The following BPIFB4 variants were observed in gnomAD, a reference collection of about 807,000 sequenced individuals.
BPIFB4 encodes BPI fold-containing family B member 4.
A neutral mutation model predicts 69.2 loss-of-function variants in BPIFB4; 62 were observed. The ratio of observed to expected loss-of-function variants is 0.90; its 90% CI spans 0.73 to 1.11. The LOEUF (loss-of-function observed/expected upper bound fraction) is 1.11. BPIFB4 is among the 50% of genes least tolerant of loss of function. The pLI is 0.00. For missense variants in BPIFB4, 789 were observed against 792.0 expected (o/e 1.00, Z 0.04); for synonymous variants, 330 against 332.7 (o/e 0.99, Z 0.09).
chr20:33,108,436 T>TATATATATATAG (rs1271417747), intron 17 of BPIFB4, among the ~76,000 whole-genome samples: 1 of 148,514 alleles, frequency 6.7e-6, no homozygotes, highest in Non-Finnish European at 1.5e-5. Context: ...TATATATATA[T>TATATATATATAG]AGACATATAT....
At chr20:33,082,143 G>A (rs1357936907) in intron 3 of BPIFB4, among the ~76,000 whole-genome samples, 3 of 152,092 alleles carry the variant, frequency 2.0e-5, no homozygotes, top group East Asian at 3.9e-4. Context: ...TCTAGCATGT[G>A]AGGACATACT....
At chr20:33,102,330 G>A (rs923056348) in intron 14 of BPIFB4, among the ~76,000 whole-genome samples, 4 of 152,198 alleles carry the variant, frequency 2.6e-5, no homozygotes, top group Admixed American at 6.5e-5. Context: ...AACGATTTCC[G>A]CCCCACGGGC....
At chr20:33,103,117 T>C in intron 15 of BPIFB4, 103 bp downstream of exon 15, 1 of 1,345,974 alleles carries the variant, frequency 7.4e-7, no homozygotes, top group Non-Finnish European at 1.1e-6. Context: ...GCATGGGGAG[T>C]TTGTGAATTC....
At chr20:33,107,372 C>G (rs992361487) in intron 16 of BPIFB4, among the ~76,000 whole-genome samples, 3 of 152,090 alleles carry the variant, frequency 2.0e-5, no homozygotes, top group African/African-American at 7.2e-5. Context: ...GGGGGCAGAT[C>G]ATCTGAGGTC....
chr20:33,085,352 G>A (rs1272597267), intron 6 of BPIFB4, among the ~76,000 whole-genome samples: 1 of 152,234 alleles, frequency 6.6e-6, no homozygotes, highest in African/African-American at 2.4e-5. Flanking sequence ...CTACTTGGGA[G>A]GCTGAGGCAG....
In BPIFB4 at chr20:33,102,034, A is replaced by G. The variant is rs923584934; in HGVS notation, c.1638-938A>G. On this transcript the variant is annotated intron_variant, in intron 14 of 17. Transcript: ENST00000375483. Reference sequence around the variant, plus strand: ...GATTAATATAGTGCACATCAGAGACATCCAGGAGTTCCCAAGGAGGCAAGA... The same window carrying G: ...GATTAATATAGTGCACATCAGAGACGTCCAGGAGTTCCCAAGGAGGCAAGA... Among the ~76,000 whole-genome samples, 7 of 152,226 alleles carry G rather than the reference A, an allele frequency of 4.6e-5. No individual in the cohort carries two copies. The South Asian group carries it at 6.2e-4, about 13-fold the overall frequency.
chr20:33,104,478 C>G (rs1430396922), intron 15 of BPIFB4, among the ~76,000 whole-genome samples: 3 of 152,216 alleles, frequency 2.0e-5, no homozygotes, highest in African/African-American at 7.2e-5. Flanking sequence ...GATGCCATGA[C>G]AGTGCCATCG....
chr20:33,111,499 G>A lies in BPIFB4; in HGVS notation c.*62G>A, dbSNP rs975252791. The A allele has an allele frequency of 2.0e-5, 32 of 1,602,398 alleles. No homozygotes were observed. The African/African-American group carries it at 3.6e-4, about 18-fold the overall frequency. On this transcript the variant is annotated 3_prime_UTR_variant, in exon 18 of 18. Transcript: ENST00000375483. ...GCTGGAACCAGTCCCAGAGAGGCTC[G>A]GCCTGGAAACAGTCCCCTGCCCAGA...
At chr20:33,097,181 T>C (rs1365157121) in intron 12 of BPIFB4, among the ~76,000 whole-genome samples, 1 of 152,140 alleles carries the variant, frequency 6.6e-6, no homozygotes, top group Non-Finnish European at 1.5e-5. Flanking sequence ...TTAACTTTCC[T>C]CCTGGCCTTG....
At chr20:33,079,908 G>C (rs148507988) in intron 1 of BPIFB4, among the ~76,000 whole-genome samples, 1 of 152,192 alleles carries the variant, frequency 6.6e-6, no homozygotes, top group Non-Finnish European at 1.5e-5. Context: ...ACATGCATGC[G>C]CAGAGCTGCA....
intron 15 of BPIFB4, among the ~76,000 whole-genome samples, chr20:33,103,247 G>A (rs564840541): frequency 6.6e-5 from 10 of 152,278 alleles, no homozygotes; most frequent in South Asian, 4.1e-4. Context: ...ACTCTGCCTC[G>A]GGTGCTGTCC....
Position 33,092,610 on chromosome 20 carries a change from T to C in BPIFB4, c.1296T>C (p.Thr432=). The change falls in exon 11 of 18, where the codon ACT becomes ACC. Residue 432 remains threonine (T), a synonymous_variant. Coordinates refer to ENST00000375483, the MANE Select transcript of BPIFB4 (RefSeq NM_182519.3). The part of the protein sequence containing the change: ...MSANFLGSVL[T]LLQKQHALDL... ...CCAACTTCCTGGGCTCAGTGCTGAC[T>C]CTACTGCAGAAGCAGCATGCTCTAG... 6.2e-7 allele frequency: 1 copy of C among 1,613,522 alleles called. No individual in the cohort carries two copies. Among genetic ancestry groups the C allele is most frequent in the African/African-American group, 1.3e-5 (1 of 75,058 alleles).
At chr20:33,103,624 A>AC (rs35145086) in intron 15 of BPIFB4, among the ~76,000 whole-genome samples, 1 of 126,066 alleles carries the variant, frequency 7.9e-6, no homozygotes, top group Non-Finnish European at 1.7e-5. Context: ...CTTCCTCCCC[A>AC]CCCCCCCACC....
At chr20:33,107,342 G>A (rs1444615513) in intron 16 of BPIFB4, among the ~76,000 whole-genome samples, 1 of 152,114 alleles carries the variant, frequency 6.6e-6, no homozygotes, top group Non-Finnish European at 1.5e-5. Context: ...TGTAATCTCA[G>A]TACTTTGGGA....
intron 14 of BPIFB4, among the ~76,000 whole-genome samples, chr20:33,100,966 G>A (rs934472691): frequency 1.3e-5 from 2 of 152,180 alleles, no homozygotes; most frequent in African/African-American, 2.4e-5. Context: ...TGAGGCAGGA[G>A]CCCAGGAGCT....
chr20:33,107,435 CAAACA>C (rs374649315), intron 16 of BPIFB4, among the ~76,000 whole-genome samples: 121 of 151,856 alleles, frequency 8.0e-4, no homozygotes, highest in African/African-American at 2.8e-3. Flanking sequence ...TTTACTAAAA[CAAACA>C]AAACAAACAA....
chr20:33,096,832 C>A (rs76421479), intron 12 of BPIFB4, among the ~76,000 whole-genome samples: 5,570 of 152,242 alleles, frequency 0.037, 173 homozygotes, highest in African/African-American at 0.088. Flanking sequence ...CTTTCTGTTT[C>A]TTTTGAAAGT....
At chr20:33,090,929 G>A in intron 10 of BPIFB4, 130 bp downstream of exon 10, 3 of 1,110,108 alleles carry the variant, frequency 2.7e-6, no homozygotes, top group South Asian at 3.1e-5. Flanking sequence ...TCGATTAGAA[G>A]AAGGCCTTCT....
intron 2 of BPIFB4, 144 bp from the exon 3 acceptor site, chr20:33,081,368 C>T: frequency 2.2e-6 from 3 of 1,392,926 alleles, no homozygotes; most frequent in Non-Finnish European, 2.8e-6. Flanking sequence ...CTGGACCCTG[C>T]CTTAGTATGT....
Sources: allele counts gnomAD v4.1 joint callset (sites outside exome capture counted in the v4.1 genomes callset), GRCh38; gene constraint gnomAD v4.1.1; transcripts MANE v1.5; gene names NCBI Gene and HGNC (gene_info 2026-07-23, HGNC 2026-07-21).